The following MYO5B variants were observed in gnomAD, a reference collection of about 807,000 sequenced individuals.
MYO5B encodes unconventional myosin-Vb.
MYO5B carries 143 observed loss-of-function variants against 229.3 expected under a neutral mutation model. The observed-to-expected ratio is 0.62, with a 90% CI of 0.54 to 0.72. The LOEUF is 0.72. Among genes scored for constraint, MYO5B ranks in the 30% least tolerant of loss-of-function variants. MYO5B has a pLI of 0.00. For synonymous variants in MYO5B, 918 were observed against 885.2 expected (o/e 1.04, Z -0.66); for missense variants, 2,321 against 2,331.0 (o/e 1.00, Z 0.09).
At chr18:49,987,643 G>C (rs1363692004) in intron 7 of MYO5B, among the ~76,000 whole-genome samples, 1 of 152,178 alleles carries the variant, frequency 6.6e-6, no homozygotes, top group East Asian at 1.9e-4. Context: ...CATGGTCATG[G>C]ACTTGCACAT....
At chr18:49,902,506 T>C in intron 21 of MYO5B, 88 bp downstream of exon 21, 1 of 1,572,578 alleles carries the variant, frequency 6.4e-7, no homozygotes, top group East Asian at 2.2e-5. Context: ...CTTCGGCATG[T>C]GCAGTTCCTC....
At chr18:50,069,171 T>TA (rs112721433) in intron 1 of MYO5B, among the ~76,000 whole-genome samples, 14 of 149,690 alleles carry the variant, frequency 9.4e-5, no homozygotes, top group East Asian at 3.9e-4. Context: ...GTTCCCCGGT[T>TA]AAAAAAAAAA....
chr18:49,877,620 A>G, intron 25 of MYO5B, 143 bp downstream of exon 25: 2 of 1,087,516 alleles, frequency 1.8e-6, no homozygotes, highest in Non-Finnish European at 2.7e-6. Flanking sequence ...CTGTAGTCCA[A>G]GTGATCCTGC....
intron 2 of MYO5B, among the ~76,000 whole-genome samples, chr18:50,044,238 G>A (rs552285370): frequency 6.6e-6 from 1 of 152,236 alleles, no homozygotes; most frequent in East Asian, 1.9e-4. Context: ...CCAGAGGGAA[G>A]GCAGGAGTGA....
intron 1 of MYO5B, among the ~76,000 whole-genome samples, chr18:50,086,919 C>T (rs1038885430): frequency 7.9e-5 from 12 of 152,124 alleles, no homozygotes; most frequent in Non-Finnish European, 1.5e-4. Context: ...TATACAGCAA[C>T]ATAGAACCAA....
chr18:49,936,368 G>C lies in MYO5B; in HGVS notation c.1906-19C>G, dbSNP rs1313190689. On this transcript the variant is annotated intron_variant, in intron 15 of 39. Coordinates refer to ENST00000285039, the MANE Select transcript of MYO5B (RefSeq NM_001080467.3). ...TACGGAACTAGAGAGACAAAAGCCA[G>C]TGCTTGGTTAGTTTTAACAAGTCGT... is the stretch of plus-strand genomic sequence containing the variant. 6.4e-7 allele frequency: 1 copy of C among 1,555,722 alleles called. No homozygotes were observed. The highest frequency in any genetic ancestry group is 1.2e-5 in the South Asian group (1 of 85,904).
chr18:49,890,599 T>C (rs1226175587), intron 22 of MYO5B, among the ~76,000 whole-genome samples: 4 of 152,168 alleles, frequency 2.6e-5, no homozygotes, highest in African/African-American at 7.2e-5. Context: ...GGGGCTTTGT[T>C]TTGTCTTATG....
intron 1 of MYO5B, among the ~76,000 whole-genome samples, chr18:50,183,806 GGTGCTGTTCTC>G (rs2033110275): frequency 6.6e-6 from 1 of 152,082 alleles, no homozygotes; most frequent in Admixed American, 6.5e-5. Context: ...TGAATGGTAT[GGTGCTGTTCTC>G]ATGGTAGTGA....
intron 2 of MYO5B, among the ~76,000 whole-genome samples, chr18:50,050,131 T>TA (rs1394608905): frequency 6.6e-6 from 1 of 152,098 alleles, no homozygotes; most frequent in Non-Finnish European, 1.5e-5. Context: ...GAAAGCAAGA[T>TA]AAAGATAAAA....
At position 49,854,498 on chromosome 18, in the gene MYO5B, T is replaced by C. The variant is rs1003158235; in HGVS notation, c.4023-851A>G. ...TTAGATGCTAATATGACCATGATGT[T>C]GTCCTTCTTGGACTTAGTTACTTAA... is the stretch of plus-strand genomic sequence containing the variant. On this transcript the variant is annotated intron_variant, in intron 30 of 39. Transcript: ENST00000285039. Among the ~76,000 whole-genome samples the C allele has an allele frequency of 2.0e-5, 3 of 152,250 alleles. No individual in the cohort carries two copies. In the South Asian group the frequency reaches 6.2e-4, roughly 31 times the overall value.
chr18:50,172,307 A>T (rs2032930995), intron 1 of MYO5B, among the ~76,000 whole-genome samples: 1 of 145,828 alleles, frequency 6.9e-6, no homozygotes, highest in Non-Finnish European at 1.5e-5. Context: ...AAAAAAAAAA[A>T]GGCCGAACTG....
At chr18:49,875,082 A>G (rs1302981882) in intron 26 of MYO5B, among the ~76,000 whole-genome samples, 1 of 152,168 alleles carries the variant, frequency 6.6e-6, no homozygotes, top group Non-Finnish European at 1.5e-5. Context: ...TTGTGTACCT[A>G]CTACGTGCCT....
intron 2 of MYO5B, among the ~76,000 whole-genome samples, chr18:50,051,512 A>G (rs1036083903): frequency 6.6e-6 from 1 of 152,242 alleles, no homozygotes; most frequent in Non-Finnish European, 1.5e-5. Flanking sequence ...AGGTGGGGCC[A>G]GGAGAGAGAA....
Position 50,040,324 on chromosome 18 carries a change from T to A in MYO5B, c.139-10A>T. 1 of 1,613,790 alleles carries A rather than the reference T, an allele frequency of 6.2e-7. No homozygotes were observed. The highest frequency in any genetic ancestry group is 8.5e-7 in the Non-Finnish European group (1 of 1,179,714). On this transcript the variant is annotated splice_polypyrimidine_tract_variant and intron_variant, in intron 2 of 39. Transcript: ENST00000285039. ...TTGGGTATTCCAGAATCTAAAGACA[T>A]GCAAGTAGCAGACACAAAAAGGTGG...
intron 1 of MYO5B, chr18:50,063,660 C>T (rs993117980): frequency 6.6e-6 from 1 of 152,166 alleles, no homozygotes; most frequent in African/African-American, 2.4e-5. Flanking sequence ...TCAACATTTC[C>T]TATCATTTAA....
chr18:49,951,558 A>C (rs932388178), intron 14 of MYO5B, among the ~76,000 whole-genome samples: 1 of 152,216 alleles, frequency 6.6e-6, no homozygotes, highest in Admixed American at 6.5e-5. Context: ...TGGAGAGTGA[A>C]TATAACAGAG....
At chr18:49,906,200 G>A (rs1047000895) in intron 19 of MYO5B, among the ~76,000 whole-genome samples, 4 of 152,156 alleles carry the variant, frequency 2.6e-5, no homozygotes, top group Admixed American at 6.5e-5. Flanking sequence ...GGGAGCCTGG[G>A]GAAACCAGGA....
intron 1 of MYO5B, among the ~76,000 whole-genome samples, chr18:50,080,244 T>TGGTATTAGTGACAA (rs2031186515): frequency 6.6e-6 from 1 of 152,020 alleles, no homozygotes; most frequent in South Asian, 2.1e-4. Flanking sequence ...TACAGCAACT[T>TGGTATTAGTGACAA]GGTATTAGTG....
intron 1 of MYO5B, among the ~76,000 whole-genome samples, chr18:50,177,302 T>C (rs1868629507): frequency 6.6e-6 from 1 of 152,172 alleles, no homozygotes; most frequent in South Asian, 2.1e-4. Context: ...TATTACCGTG[T>C]TATTATACAC....
Sources: gnomAD v4.1 joint callset for allele counts (sites outside exome capture counted in the v4.1 genomes callset) on GRCh38, gnomAD v4.1.1 for gene constraint, MANE v1.5 for transcripts, NCBI Gene and HGNC (gene_info 2026-07-23, HGNC 2026-07-21) for gene names.